Variants in CNTN5 observed in about 807,000 individuals in gnomAD.
The protein encoded by CNTN5 is contactin 5, also known as contactin-5.
In CNTN5, 77 loss-of-function variants were observed where a neutral mutation model predicts 129.1. That is an observed-to-expected ratio of 0.60 (90% CI 0.50 to 0.72). CNTN5 has a LOEUF of 0.72. Ranked by LOEUF, CNTN5 falls within the 30% of genes least tolerant of loss-of-function variation. The pLI is 0.00. For synonymous variants in CNTN5, 509 were observed against 465.6 expected, an observed-to-expected ratio of 1.09 and a Z score of -1.20; for missense variants, 1,478 against 1,328.8, an observed-to-expected ratio of 1.11 and a Z score of -1.75.
intron 6 of CNTN5, among the ~76,000 whole-genome samples, chr11:99,850,986 T>C (rs1325732853): frequency 6.6e-6 from 1 of 152,192 alleles, no homozygotes; most frequent in Non-Finnish European, 1.5e-5. Context: ...TAGAATTTAA[T>C]CATGAAGCCA....
At chr11:99,746,712 C>G (rs1394803843) in intron 3 of CNTN5, among the ~76,000 whole-genome samples, 2 of 152,204 alleles carry the variant, frequency 1.3e-5, no homozygotes, top group Non-Finnish European at 2.9e-5. Context: ...GCCCTACGCC[C>G]TCTTCTTGCT....
chr11:100,179,982 A>C (rs904670655), intron 13 of CNTN5, among the ~76,000 whole-genome samples: 4 of 152,084 alleles, frequency 2.6e-5, no homozygotes, highest in Non-Finnish European at 5.9e-5. Context: ...CAAACATTTA[A>C]GGCAAAATTA....
At chr11:100,257,760 G>A (rs1950106523) in intron 17 of CNTN5, among the ~76,000 whole-genome samples, 1 of 152,024 alleles carries the variant, frequency 6.6e-6, no homozygotes, top group Non-Finnish European at 1.5e-5. Flanking sequence ...CAAAAAGAAT[G>A]TCCACACAGA....
intron 9 of CNTN5, among the ~76,000 whole-genome samples, chr11:100,039,930 C>T (rs1007795980): frequency 6.6e-5 from 10 of 152,232 alleles, no homozygotes; most frequent in African/African-American, 7.2e-5. Context: ...TCCTGTAGCT[C>T]GGAGTAGTTT....
At chr11:100,102,221 C>T (rs1293451407) in intron 13 of CNTN5, among the ~76,000 whole-genome samples, 3 of 151,900 alleles carry the variant, frequency 2.0e-5, no homozygotes, top group Admixed American at 2.0e-4. Flanking sequence ...TTGCCACACC[C>T]ACACTAACGT....
chr11:100,158,148 A>G (rs77113210), intron 13 of CNTN5, among the ~76,000 whole-genome samples: 10 of 151,934 alleles, frequency 6.6e-5, no homozygotes, highest in African/African-American at 2.4e-4. Context: ...GAAGAGAAAG[A>G]TGAGTTGTTT....
At chr11:99,839,588 C>T (rs930293704) in intron 4 of CNTN5, among the ~76,000 whole-genome samples, 1 of 151,882 alleles carries the variant, frequency 6.6e-6, no homozygotes, top group South Asian at 2.1e-4. Context: ...TTAATACAGA[C>T]ATATAACATC....
chr11:100,132,286 G>C (rs1282684347), intron 13 of CNTN5, among the ~76,000 whole-genome samples: 1 of 151,994 alleles, frequency 6.6e-6, no homozygotes, highest in African/African-American at 2.4e-5. Context: ...TTTAAAAGTA[G>C]ACACTCAATA....
chr11:100,002,901 G>C lies in CNTN5; in HGVS notation c.980+765G>C, dbSNP rs369575746. ...GGGTTCTTTCTAGACACTATAATTT[G>C]CATAAATGTATCTCTGTCAGAGTTA... On this transcript the variant is annotated intron_variant, in intron 9 of 24. Coordinates refer to ENST00000524871, the MANE Select transcript of CNTN5 (RefSeq NM_014361.4). Among the ~76,000 whole-genome samples, 28 of 151,314 alleles carry C rather than the reference G, an allele frequency of 1.9e-4. No individual in the cohort carries two copies. In the South Asian group the frequency reaches 5.7e-3, roughly 31 times the overall value.
At chr11:99,691,133 A>G (rs1467645951) in intron 3 of CNTN5, among the ~76,000 whole-genome samples, 2 of 150,780 alleles carry the variant, frequency 1.3e-5, no homozygotes, top group Admixed American at 6.6e-5. Flanking sequence ...TTGTGTTTAT[A>G]TGAATCTTCT....
chr11:99,329,461 C>T (rs1199649046), intron 2 of CNTN5, among the ~76,000 whole-genome samples: 1 of 152,156 alleles, frequency 6.6e-6, no homozygotes, highest in South Asian at 2.1e-4. Flanking sequence ...TTTCCATCCA[C>T]CTCTGCTCAC....
At chr11:100,179,143 G>T (rs918392310) in intron 13 of CNTN5, among the ~76,000 whole-genome samples, 1 of 151,828 alleles carries the variant, frequency 6.6e-6, no homozygotes, top group Non-Finnish European at 1.5e-5. Flanking sequence ...ATCCTGTTGT[G>T]CTCTTAAATA....
intron 4 of CNTN5, among the ~76,000 whole-genome samples, chr11:99,821,858 T>A (rs1946812491): frequency 6.6e-6 from 1 of 152,186 alleles, no homozygotes; most frequent in Admixed American, 6.5e-5. Flanking sequence ...TGGTAACCAA[T>A]TTAATATCAT....
At chr11:99,665,478 A>ATT (rs34435537) in intron 3 of CNTN5, among the ~76,000 whole-genome samples, 221 of 65,914 alleles carry the variant, frequency 3.4e-3, no homozygotes, top group African/African-American at 6.4e-3. Flanking sequence ...TGAAACTACA[A>ATT]TTTTTTTTTT....
intron 1 of CNTN5, among the ~76,000 whole-genome samples, chr11:99,242,063 A>G (rs945298197): frequency 2.0e-5 from 3 of 152,196 alleles, no homozygotes; most frequent in Non-Finnish European, 4.4e-5. Flanking sequence ...ATGCCATTTT[A>G]TTATGGAGAT....
At chr11:99,477,055 C>G (rs1007669945) in intron 2 of CNTN5, among the ~76,000 whole-genome samples, 57 of 151,858 alleles carry the variant, frequency 3.8e-4, no homozygotes, top group Admixed American at 6.6e-5. Flanking sequence ...TCTCTCTTAG[C>G]ATCATTTTCA....
At position 100,230,304 on chromosome 11, in the gene CNTN5, T is replaced by C. The variant is rs112346634; in HGVS notation, c.2005+5492T>C. ...CTATTATTGCTATTATTGTATGGGA[T>C]TATTTAAATAGCTTATACCAATCAC... On this transcript the variant is annotated intron_variant, in intron 16 of 24. Coordinates refer to ENST00000524871, the MANE Select transcript of CNTN5 (RefSeq NM_014361.4). Among the ~76,000 whole-genome samples the C allele has an allele frequency of 1.6e-3, 246 of 152,320 alleles. 2 individuals are homozygous for C. The highest frequency in any genetic ancestry group is 5.5e-3 in the African/African-American group (229 of 41,568).
rs1486558883 is a variant in CNTN5, at chr11:100,097,101, G to A, written c.1580+22807G>A. On this transcript the variant is annotated intron_variant, in intron 13 of 24. Coordinates refer to ENST00000524871, the MANE Select transcript of CNTN5 (RefSeq NM_014361.4). The stretch of plus-strand genomic sequence containing the variant: ...GATGAAATATTTTCCATTAACCGTT[G>A]AGATATTATAGAAATGTACTTTTTC... Among the ~76,000 whole-genome samples the A allele has an allele frequency of 1.1e-4, 17 of 152,236 alleles. No homozygotes were observed. In the East Asian group the frequency reaches 2.7e-3, roughly 24 times the overall value.
chr11:99,935,296 C>G (rs1354725919), intron 7 of CNTN5, among the ~76,000 whole-genome samples: 2 of 151,650 alleles, frequency 1.3e-5, no homozygotes, highest in Admixed American at 6.6e-5. Flanking sequence ...TGGTACGTAA[C>G]TAAAATCATT....
Sources: allele counts gnomAD v4.1 joint callset (sites outside exome capture counted in the v4.1 genomes callset), GRCh38; gene constraint gnomAD v4.1.1; transcripts MANE v1.5; gene names NCBI Gene and HGNC (gene_info 2026-07-23, HGNC 2026-07-21).